Variants in DNAJB14 observed in about 807,000 individuals in gnomAD.
DNAJB14 encodes dnaJ homolog subfamily B member 14.
Under a neutral mutation model 48.4 loss-of-function variants are expected in DNAJB14, and 22 were observed. That is an observed-to-expected ratio of 0.45 (90% CI 0.32 to 0.65). The LOEUF (loss-of-function observed/expected upper bound fraction) is 0.65, where lower values mean the gene tolerates loss of function less well. DNAJB14 is among the 30% of genes least tolerant of loss of function. The probability of loss-of-function intolerance (pLI) is 0.03; values close to 1 mark genes in which losing one functional copy is unlikely to be tolerated. For synonymous variants in DNAJB14, 142 were observed against 158.7 expected (o/e 0.89, Z 0.79); for missense variants, 319 against 458.8 (o/e 0.70, Z 2.78).
Position 99,936,226 on chromosome 4 carries a change from G to A in DNAJB14, c.134-5605C>T, listed in dbSNP as rs555823344. On this transcript the variant is annotated intron_variant, in intron 1 of 7. Transcript: ENST00000442697. ...CAATTTGTTACATAAAAGGGAAAAT[G>A]AGCAAATAAGTGGGAGCCACATTTC... 3.8e-4 allele frequency among the ~76,000 whole-genome samples: 58 copies of A among 152,266 alleles called. No homozygotes were observed. The South Asian group carries it at 8.5e-3, about 22-fold the overall frequency.
chr4:99,906,224 A>G (rs1272528594), intron 5 of DNAJB14: 2 of 1,356,608 alleles, frequency 1.5e-6, no homozygotes, highest in Admixed American at 2.3e-5. Flanking sequence ...TCAGTACTCT[A>G]AATTCTTCAG....
intron 3 of DNAJB14, among the ~76,000 whole-genome samples, chr4:99,917,445 C>A (rs1725896320): frequency 6.6e-6 from 1 of 152,164 alleles, no homozygotes; most frequent in African/African-American, 2.4e-5. Flanking sequence ...ACAAATGGTT[C>A]CTTCTAGCTG....
At chr4:99,935,228 G>A (rs934180396) in intron 1 of DNAJB14, among the ~76,000 whole-genome samples, 3 of 152,034 alleles carry the variant, frequency 2.0e-5, no homozygotes, top group South Asian at 4.2e-4. Context: ...AAATATCTAG[G>A]CAAAAAGAGC....
intron 3 of DNAJB14, among the ~76,000 whole-genome samples, chr4:99,917,325 C>T (rs1725891693): frequency 6.6e-6 from 1 of 152,128 alleles, no homozygotes; most frequent in East Asian, 1.9e-4. Flanking sequence ...AACAAAATAT[C>T]ATAAACTGCA....
At chr4:99,916,697 G>GGTATT in intron 3 of DNAJB14, among the ~76,000 whole-genome samples, 1 of 151,736 alleles carries the variant, frequency 6.6e-6, no homozygotes, top group East Asian at 1.9e-4. Context: ...GGTTGCTCTA[G>GGTATT]GTATTATATA....
chr4:99,929,946 T>G (rs1350578319), intron 2 of DNAJB14: 2 of 152,148 alleles, frequency 1.3e-5, no homozygotes, highest in East Asian at 3.8e-4. Context: ...CAAAACCCAG[T>G]GTATAACTTT....
chr4:99,937,453 G>C (rs535570664), intron 1 of DNAJB14, among the ~76,000 whole-genome samples: 35 of 151,838 alleles, frequency 2.3e-4, no homozygotes, highest in African/African-American at 7.5e-4. Context: ...AGCAGGGCAC[G>C]GTAGCTCACA....
At position 99,903,859 on chromosome 4, in the gene DNAJB14, CA is replaced by C; in HGVS notation, c.881del (p.Leu294TrpfsTer23). Reference sequence around the variant, plus strand: ...CCTTGTTGACATAATAAACAACACCCAAGTTTTCTGTTTGCATTTTAATAGT... The same window carrying C: ...CCTTGTTGACATAATAAACAACACCCAGTTTTCTGTTTGCATTTTAATAGT... ...GQTIKMQTENLGVVYYVNKDF... is the reference protein window; with the variant it reads ...GQTIKMQTENXGVVYYVNKDF... On this transcript the variant is annotated frameshift_variant, in exon 7 of 8. Coordinates refer to ENST00000442697, the MANE Select transcript of DNAJB14 (RefSeq NM_001031723.4). LOFTEE classifies it high-confidence loss of function. 1.2e-6 allele frequency: 2 copies of C among 1,612,436 alleles called. No individual in the cohort carries two copies. Among genetic ancestry groups the C allele is most frequent in the Non-Finnish European group, 1.7e-6 (2 of 1,179,262 alleles).
intron 1 of DNAJB14, among the ~76,000 whole-genome samples, chr4:99,937,809 G>A (rs1167609103): frequency 3.3e-5 from 5 of 151,340 alleles, no homozygotes; most frequent in Non-Finnish European, 5.9e-5. Context: ...GGCTGGGCAT[G>A]GTGGCTCATG....
Position 99,937,152 on chromosome 4 carries a change from T to A in DNAJB14, c.134-6531A>T, listed in dbSNP as rs188211987. Among the ~76,000 whole-genome samples, 63 of 152,012 alleles carry A rather than the reference T, an allele frequency of 4.1e-4. 2 individuals carry two copies. The South Asian group carries it at 0.012, about 30-fold the overall frequency. On this transcript the variant is annotated intron_variant, in intron 1 of 7. Coordinates refer to ENST00000442697, the MANE Select transcript of DNAJB14 (RefSeq NM_001031723.4). Reference sequence around the variant, plus strand: ...TAACACAGTGAAACCCTGTTTCTACTAAAAAATACAAAAAATTAGCCAGGT... The same window carrying A: ...TAACACAGTGAAACCCTGTTTCTACAAAAAAATACAAAAAATTAGCCAGGT...
At chr4:99,906,685 T>C in intron 4 of DNAJB14, 74 bp from the exon 5 acceptor site, 1 of 1,267,136 alleles carries the variant, frequency 7.9e-7, no homozygotes, top group Non-Finnish European at 1.1e-6. Flanking sequence ...TTTCACATTT[T>C]TCTTTAATTT....
At chr4:99,909,006 G>T (rs1725564780) in intron 3 of DNAJB14, 110 bp from the exon 4 acceptor site, 1 of 670,278 alleles carries the variant, frequency 1.5e-6, no homozygotes, top group Admixed American at 3.7e-5. Flanking sequence ...AAACTATCCA[G>T]AAAATTGTTA....
At chr4:99,906,367 T>C (rs1232617064) in intron 5 of DNAJB14, 150 bp downstream of exon 5, 12 of 921,040 alleles carry the variant, frequency 1.3e-5, no homozygotes, top group Middle Eastern at 3.5e-4. Flanking sequence ...ATTCCTACAA[T>C]GTCCCTAAGG....
chr4:99,924,575 C>T (rs2110209904), intron 2 of DNAJB14: 1 of 600,460 alleles, frequency 1.7e-6, no homozygotes, highest in South Asian at 4.0e-5. Flanking sequence ...ATGACATTTC[C>T]TTTATTTAGT....
intron 7 of DNAJB14, 144 bp from the exon 8 acceptor site, chr4:99,901,296 A>G: frequency 8.1e-6 from 6 of 742,590 alleles, no homozygotes; most frequent in Non-Finnish European, 1.0e-5. Context: ...CCTAAAAGCC[A>G]TTTTAGTAGG....
intron 1 of DNAJB14, among the ~76,000 whole-genome samples, chr4:99,938,585 AAG>A (rs1352714528): frequency 6.6e-6 from 1 of 152,000 alleles, no homozygotes; most frequent in Non-Finnish European, 1.5e-5. Flanking sequence ...GAGAAAGAGA[AAG>A]AGAGAAGGGT....
At chr4:99,912,503 G>A (rs1299728308) in intron 3 of DNAJB14, among the ~76,000 whole-genome samples, 3 of 150,576 alleles carry the variant, frequency 2.0e-5, no homozygotes, top group African/African-American at 4.9e-5. Flanking sequence ...TTTTAAGACA[G>A]AGTTTTGCTC....
At chr4:99,907,436 A>AGGCTAAGGTG (rs1725506180) in intron 4 of DNAJB14, among the ~76,000 whole-genome samples, 1 of 152,012 alleles carries the variant, frequency 6.6e-6, no homozygotes, top group Non-Finnish European at 1.5e-5. Context: ...AGGATTTGGG[A>AGGCTAAGGTG]GGCTAAGGTG....
At chr4:99,909,534 T>A (rs1249930621) in intron 3 of DNAJB14, among the ~76,000 whole-genome samples, 2 of 151,974 alleles carry the variant, frequency 1.3e-5, no homozygotes, top group African/African-American at 4.8e-5. Context: ...ATCCCCAAGG[T>A]CCAGCATAAA....
Sources: gnomAD v4.1 joint callset for allele counts (sites outside exome capture counted in the v4.1 genomes callset) on GRCh38, gnomAD v4.1.1 for gene constraint, MANE v1.5 for transcripts, NCBI Gene and HGNC (gene_info 2026-07-23, HGNC 2026-07-21) for gene names.